MAST4: variants seen among roughly 807,000 people sequenced by gnomAD.
MAST4 encodes the protein microtubule-associated serine/threonine-protein kinase 4.
A neutral mutation model predicts 162.7 loss-of-function variants in MAST4; 89 were observed. That is an observed-to-expected ratio of 0.55 (90% CI 0.46 to 0.65). MAST4 has a LOEUF of 0.65. Among genes scored for constraint, MAST4 ranks in the 30% least tolerant of loss-of-function variants. The pLI is 0.00. For synonymous variants in MAST4, 1,479 were observed against 1,361.1 expected (o/e 1.09, Z -1.91); for missense variants, 3,153 against 3,374.0 (o/e 0.93, Z 1.62).
intron 4 of MAST4, among the ~76,000 whole-genome samples, chr5:67,038,675 T>C (rs968515817): frequency 2.0e-5 from 3 of 152,208 alleles, no homozygotes; most frequent in African/African-American, 7.2e-5. Context: ...TCCCTTCTTA[T>C]ACATTATTTT....
intron 4 of MAST4, among the ~76,000 whole-genome samples, chr5:67,018,764 T>C (rs1040138219): frequency 6.6e-6 from 1 of 152,236 alleles, no homozygotes; most frequent in Non-Finnish European, 1.5e-5. Flanking sequence ...GAAGAAAATA[T>C]GTATTTTACA....
rs201943582 is a variant in MAST4 at position 67,145,396 on chromosome 5, A to C, written c.3094+17A>C. 1,680 of 1,605,452 alleles carry C rather than the reference A, an allele frequency of 1.0e-3. 3 individuals carry two copies. Among genetic ancestry groups the C allele is most frequent in the Non-Finnish European group, 1.3e-3 (1,531 of 1,174,426 alleles). On this transcript the variant is annotated intron_variant, in intron 23 of 28. Coordinates refer to ENST00000403625, the MANE Select transcript of MAST4 (RefSeq NM_001164664.2). ...CCCTGTCAGGTAAGCCCCGGGCCAT[A>C]GTGCCTGCTGTCCTCCTCACCACAC...
At chr5:66,722,251 A>G (rs1045712142) in intron 1 of MAST4, among the ~76,000 whole-genome samples, 2 of 152,070 alleles carry the variant, frequency 1.3e-5, no homozygotes, top group Non-Finnish European at 2.9e-5. Flanking sequence ...CGCTCCAGCC[A>G]TATGCTTTCC....
At chr5:67,076,684 C>G (rs1395197558) in intron 5 of MAST4, among the ~76,000 whole-genome samples, 1 of 152,168 alleles carries the variant, frequency 6.6e-6, no homozygotes, top group Non-Finnish European at 1.5e-5. Context: ...TTTGGCACTT[C>G]CTGGGCTCCA....
intron 3 of MAST4, among the ~76,000 whole-genome samples, chr5:66,841,544 C>A (rs910252121): frequency 5.3e-5 from 8 of 152,112 alleles, no homozygotes; most frequent in Non-Finnish European, 1.5e-5. Context: ...GGAGGGCTCT[C>A]TTCCTGGTTT....
intron 4 of MAST4, among the ~76,000 whole-genome samples, chr5:67,021,485 A>G (rs1753977825): frequency 6.6e-6 from 1 of 152,224 alleles, no homozygotes; most frequent in Non-Finnish European, 1.5e-5. Flanking sequence ...AATTGCAAAT[A>G]CCATATTTAG....
intron 4 of MAST4, among the ~76,000 whole-genome samples, chr5:66,919,899 T>C (rs76657082): frequency 0.026 from 29 of 1,112 alleles, no homozygotes; most frequent in African/African-American, 0.048. Flanking sequence ...TTTTTCTCTC[T>C]CCTTCCTTCC....
At chr5:66,911,235 G>A (rs952928494) in intron 4 of MAST4, among the ~76,000 whole-genome samples, 6 of 152,128 alleles carry the variant, frequency 3.9e-5, no homozygotes, top group Admixed American at 3.3e-4. Context: ...GACCAGCACC[G>A]TAAGGAAATT....
At chr5:67,054,121 G>GAGT (rs1359457940) in intron 4 of MAST4, among the ~76,000 whole-genome samples, 5 of 152,184 alleles carry the variant, frequency 3.3e-5, no homozygotes, top group Non-Finnish European at 7.3e-5. Context: ...TTGTGTGTAT[G>GAGT]GCATGTTACA....
intron 4 of MAST4, among the ~76,000 whole-genome samples, chr5:66,999,334 C>T (rs1751023042): frequency 6.6e-6 from 1 of 152,214 alleles, no homozygotes. Context: ...TCTGCACCTT[C>T]TCCAGTCCTA....
At chr5:66,806,535 G>C (rs1169963295) in intron 3 of MAST4, among the ~76,000 whole-genome samples, 1 of 152,202 alleles carries the variant, frequency 6.6e-6, no homozygotes, top group East Asian at 1.9e-4. Context: ...TCATGTTGTT[G>C]ATCAGGTAGA....
intron 1 of MAST4, among the ~76,000 whole-genome samples, chr5:66,645,548 A>G (rs751770665): frequency 6.6e-6 from 1 of 152,204 alleles, no homozygotes; most frequent in Non-Finnish European, 1.5e-5. Context: ...TTTATTTTCA[A>G]GTACATATGT....
At chr5:66,917,744 C>G (rs1423344011) in intron 4 of MAST4, among the ~76,000 whole-genome samples, 2 of 152,164 alleles carry the variant, frequency 1.3e-5, no homozygotes, top group East Asian at 3.9e-4. Context: ...CTATTCTACT[C>G]CTATCTGTCT....
At position 67,139,940 on chromosome 5, in the gene MAST4, T is replaced by C. The variant is rs117555451; in HGVS notation, c.2495-2175T>C. 8.7e-4 allele frequency among the ~76,000 whole-genome samples: 133 copies of C among 152,236 alleles called. No individual in the cohort carries two copies. In the East Asian group the frequency reaches 0.023, roughly 26 times the overall value. On this transcript the variant is annotated intron_variant, in intron 19 of 28. Transcript: ENST00000403625. ...AAATCAGCTATGGGCTGTAAATCCTTGAGGAGGACCCATTTGTCATTGTCT... is the reference window on the plus strand; with the variant it reads ...AAATCAGCTATGGGCTGTAAATCCTCGAGGAGGACCCATTTGTCATTGTCT...
intron 1 of MAST4, among the ~76,000 whole-genome samples, chr5:66,711,461 CATATAAT>C (rs1308521052): frequency 6.6e-6 from 1 of 152,186 alleles, no homozygotes; most frequent in Non-Finnish European, 1.5e-5. Context: ...ATCCTCAAAG[CATATAAT>C]TCCAATATCT....
At chr5:66,819,111 AG>A (rs1170429988) in intron 3 of MAST4, among the ~76,000 whole-genome samples, 1 of 152,170 alleles carries the variant, frequency 6.6e-6, no homozygotes, top group East Asian at 1.9e-4. Context: ...ACTGTTAACT[AG>A]TTGGCAGGTG....
Position 66,666,317 on chromosome 5 carries a change from C to T in MAST4, c.363+69299C>T, listed in dbSNP as rs1350400378. On this transcript the variant is annotated intron_variant, in intron 1 of 28. Transcript: ENST00000403625. ...GCTCTCTGATGGTAATGATGTTTAT[C>T]CCTCCAGACTTCCAGTCAGCTAGAA... 2.6e-5 allele frequency among the ~76,000 whole-genome samples: 4 copies of T among 152,276 alleles called. No individual in the cohort carries two copies. In the South Asian group the frequency reaches 8.3e-4, roughly 32 times the overall value.
At chr5:66,915,197 C>T (rs1286295664) in intron 4 of MAST4, among the ~76,000 whole-genome samples, 4 of 142,516 alleles carry the variant, frequency 2.8e-5, no homozygotes, top group African/African-American at 1.0e-4. Context: ...ACCCAGGAGG[C>T]GGAGGTAGCA....
At chr5:67,060,572 G>A (rs1160054394) in intron 5 of MAST4, among the ~76,000 whole-genome samples, 1 of 149,498 alleles carries the variant, frequency 6.7e-6, no homozygotes, top group Non-Finnish European at 1.5e-5. Flanking sequence ...CCGCCTCACA[G>A]GTTCACACCA....
Sources: allele counts gnomAD v4.1 joint callset (sites outside exome capture counted in the v4.1 genomes callset), GRCh38; gene constraint gnomAD v4.1.1; transcripts MANE v1.5; gene names NCBI Gene and HGNC (gene_info 2026-07-23, HGNC 2026-07-21).